BCAS3: variants seen among roughly 807,000 people sequenced by gnomAD.
The protein encoded by BCAS3 is BCAS3 microtubule associated cell migration factor, also known as BCAS4/BCAS3 fusion.
A neutral mutation model predicts 116.1 loss-of-function variants in BCAS3; 53 were observed. That is an observed-to-expected ratio of 0.46 (90% CI 0.37 to 0.57). BCAS3 has a LOEUF of 0.57. Ranked by LOEUF, BCAS3 falls within the 20% of genes least tolerant of loss-of-function variation. BCAS3 has a pLI of 0.00. For synonymous variants in BCAS3, 391 were observed against 408.2 expected, an observed-to-expected ratio of 0.96 and a Z score of 0.51; for missense variants, 917 against 1,165.4, an observed-to-expected ratio of 0.79 and a Z score of 3.10.
intron 14 of BCAS3, among the ~76,000 whole-genome samples, chr17:60,959,655 T>C (rs1219924346): frequency 6.6e-6 from 1 of 152,196 alleles, no homozygotes; most frequent in Non-Finnish European, 1.5e-5. Flanking sequence ...GTTCATATTA[T>C]AAAATTCATG....
intron 22 of BCAS3, among the ~76,000 whole-genome samples, chr17:61,312,836 T>G (rs377243250): frequency 8.1e-4 from 123 of 152,294 alleles, no homozygotes; most frequent in South Asian, 5.2e-3. Flanking sequence ...CAGGACTGGT[T>G]ACAACCAAAG....
At chr17:61,191,950 C>T (rs112879187) in intron 22 of BCAS3, among the ~76,000 whole-genome samples, 4,662 of 151,396 alleles carry the variant, frequency 0.031, 253 homozygotes, top group African/African-American at 0.11. Flanking sequence ...AGTTGAGAAA[C>T]ATACAGTTTA....
intron 19 of BCAS3, among the ~76,000 whole-genome samples, chr17:61,069,095 T>TA (rs1049950171): frequency 1.3e-5 from 2 of 150,728 alleles, no homozygotes; most frequent in Non-Finnish European, 3.0e-5. Flanking sequence ...AACCCACAAT[T>TA]AAAAAACAAA....
At position 61,056,648 on chromosome 17, in the gene BCAS3, A is replaced by G. The variant is rs1430612448; in HGVS notation, c.2029+15756A>G. Among the ~76,000 whole-genome samples, 1 of 152,176 alleles carries G rather than the reference A, an allele frequency of 6.6e-6. No individual in the cohort carries two copies. The highest frequency in any genetic ancestry group is 6.5e-5 in the Admixed American group (1 of 15,280). On this transcript the variant is annotated intron_variant, in intron 19 of 23. Coordinates refer to ENST00000407086, the MANE Select transcript of BCAS3 (RefSeq NM_017679.5). This position sits in a 1 kb window ranked among gnomAD's most constrained non-coding sequence, Gnocchi z 4.9. ...GGCTTGTTTATTTTATTAAAAATAC[A>G]TGAGCTACACAGAGATTTGAAGAAA...
intron 13 of BCAS3, among the ~76,000 whole-genome samples, chr17:60,943,545 A>C (rs1222441318): frequency 6.6e-6 from 1 of 152,096 alleles, no homozygotes; most frequent in Non-Finnish European, 1.5e-5. Context: ...AATGTGTATG[A>C]ACCTTGCTCT....
chr17:60,888,864 A>G (rs1241218297), intron 9 of BCAS3, among the ~76,000 whole-genome samples: 1 of 152,172 alleles, frequency 6.6e-6, no homozygotes, highest in Non-Finnish European at 1.5e-5. Flanking sequence ...AAAATTCAAA[A>G]TAGATGGCAG....
rs2050943410 is a variant in BCAS3, at chr17:61,278,267, T to C, written c.2426-90060T>C. ...CATGTTGGCCAGGCTGGTCTTGAAC[T>C]CCTGACCTTGTGATCCGCCTGCCTC... is the stretch of plus-strand genomic sequence containing the variant. On this transcript the variant is annotated intron_variant, in intron 22 of 23. Transcript: ENST00000407086. This position sits in a 1 kb window ranked among gnomAD's most constrained non-coding sequence, Gnocchi z 5.8. Among the ~76,000 whole-genome samples the C allele has an allele frequency of 6.6e-6, 1 of 152,198 alleles. No individual in the cohort carries two copies. The highest frequency in any genetic ancestry group is 1.5e-5 in the Non-Finnish European group (1 of 68,028).
At chr17:61,262,382 CT>C (rs35793672) in intron 22 of BCAS3, among the ~76,000 whole-genome samples, 134,233 of 143,550 alleles carry the variant, frequency 0.94, 62,751 homozygotes, top group East Asian at 0.99. Context: ...GATAGGGAGA[CT>C]TTTTTTTTTT....
At chr17:61,049,616 G>T (rs2068651442) in intron 19 of BCAS3, among the ~76,000 whole-genome samples, 1 of 151,158 alleles carries the variant, frequency 6.6e-6, no homozygotes. Context: ...TAATCAATTT[G>T]CTCAAAATCA....
intron 11 of BCAS3, among the ~76,000 whole-genome samples, chr17:60,907,764 A>G (rs2058262801): frequency 6.6e-6 from 1 of 152,140 alleles, no homozygotes; most frequent in African/African-American, 2.4e-5. Context: ...CTCTATTCCT[A>G]ATTTTTGCTG....
chr17:61,272,333 TA>T (rs940378209), intron 22 of BCAS3, among the ~76,000 whole-genome samples: 4 of 152,078 alleles, frequency 2.6e-5, no homozygotes, highest in Non-Finnish European at 5.9e-5. Context: ...TGTGAGTGTT[TA>T]AAAACATGTA....
chr17:61,054,855 A>G (rs2069214905), intron 19 of BCAS3, among the ~76,000 whole-genome samples: 1 of 152,032 alleles, frequency 6.6e-6, no homozygotes, highest in African/African-American at 2.4e-5. Context: ...CATTTTTTCC[A>G]CTGAAGCTAG....
intron 7 of BCAS3, 59 bp downstream of exon 7, chr17:60,808,135 G>A: frequency 8.5e-7 from 1 of 1,176,300 alleles, no homozygotes; most frequent in Non-Finnish European, 1.2e-6. Flanking sequence ...TATTCCAGAG[G>A]GAGAACTTTG....
At position 61,286,654 on chromosome 17, in the gene BCAS3, T is replaced by C. The variant is rs2051821653; in HGVS notation, c.2426-81673T>C. Among the ~76,000 whole-genome samples the C allele has an allele frequency of 6.6e-6, 1 of 152,204 alleles. No individual in the cohort carries two copies. Among genetic ancestry groups the C allele is most frequent in the Admixed American group, 6.5e-5 (1 of 15,276 alleles). On this transcript the variant is annotated intron_variant, in intron 22 of 23. Transcript: ENST00000407086. This position sits in a 1 kb window ranked among gnomAD's most constrained non-coding sequence, Gnocchi z 4.8. ...GCAGGGCTAAGTTAAATACTCGCTT[T>C]ACACCGTTGTGAAGGCAGCTCCCAG...
Position 61,302,177 on chromosome 17 carries a change from C to T in BCAS3, c.2426-66150C>T, listed in dbSNP as rs1050077107. Among the ~76,000 whole-genome samples, 1 of 152,136 alleles carries T rather than the reference C, an allele frequency of 6.6e-6. No homozygotes were observed. Among genetic ancestry groups the T allele is most frequent in the Non-Finnish European group, 1.5e-5 (1 of 68,028 alleles). On this transcript the variant is annotated intron_variant, in intron 22 of 23. Transcript: ENST00000407086. The surrounding 1 kb of genome is among the most constrained non-coding windows in gnomAD (Gnocchi z 4.4). ...GAGAAAGAGCCAAAAACTCCCCCCT[C>T]CCCCGACTCCCAGGGTTCTCCTGTT... is the stretch of plus-strand genomic sequence containing the variant.
chr17:60,999,427 G>C (rs2064072778), intron 15 of BCAS3, among the ~76,000 whole-genome samples: 1 of 151,718 alleles, frequency 6.6e-6, no homozygotes, highest in African/African-American at 2.4e-5. Context: ...TGTAATCCCA[G>C]CTACTCAGGA....
intron 11 of BCAS3, among the ~76,000 whole-genome samples, chr17:60,907,116 A>C (rs1278304477): frequency 6.6e-6 from 1 of 152,020 alleles, no homozygotes; most frequent in Non-Finnish European, 1.5e-5. Flanking sequence ...TCTTTTTTAC[A>C]TTTTCTGCAT....
intron 22 of BCAS3, among the ~76,000 whole-genome samples, chr17:61,329,434 G>A (rs564785138): frequency 1.4e-3 from 206 of 149,312 alleles, no homozygotes; most frequent in African/African-American, 4.6e-3. Context: ...TCCGCCTCCC[G>A]AGTTCACGCC....
At chr17:61,319,029 T>G (rs2054978011) in intron 22 of BCAS3, among the ~76,000 whole-genome samples, 1 of 152,182 alleles carries the variant, frequency 6.6e-6, no homozygotes, top group Non-Finnish European at 1.5e-5. Context: ...TGATCCTCAT[T>G]TTTCTGCTCT....
Sources: allele counts gnomAD v4.1 joint callset (sites outside exome capture counted in the v4.1 genomes callset), GRCh38; gene constraint gnomAD v4.1.1; non-coding constraint Gnocchi (gnomAD v3.1); transcripts MANE v1.5; gene names NCBI Gene and HGNC (gene_info 2026-07-23, HGNC 2026-07-21).